Variants in AR observed in about 807,000 individuals in gnomAD.
AR encodes dihydrotestosterone receptor.
In AR, 8 loss-of-function variants were observed where a neutral mutation model predicts 53.9. That is an observed-to-expected ratio of 0.15 (90% confidence interval 0.09 to 0.27). The LOEUF (loss-of-function observed/expected upper bound fraction) is 0.27. AR is among the 10% of genes least tolerant of loss of function. AR has a pLI of 1.00. For synonymous variants in AR, 359 were observed against 316.4 expected (o/e 1.13, Z -1.43); for missense variants, 639 against 742.5 (o/e 0.86, Z 1.62).
At chrX:67,621,075 C>T (rs1231228233) in intron 1 of AR, among the ~76,000 whole-genome samples, 2 of 111,466 alleles carry the variant, frequency 1.8e-5, no homozygotes, top group South Asian at 3.7e-4. Context: ...AATTCTATGC[C>T]GTGGAAGAAG....
At chrX:67,630,088 G>A (rs768833406) in intron 1 of AR, among the ~76,000 whole-genome samples, 4 of 111,127 alleles carry the variant, frequency 3.6e-5, no homozygotes, top group Non-Finnish European at 7.6e-5. Context: ...TAGGTGTGGT[G>A]TGGTGCTGAA....
intron 2 of AR, among the ~76,000 whole-genome samples, chrX:67,646,659 G>A (rs1418519293): frequency 9.0e-6 from 1 of 110,793 alleles, no homozygotes. Flanking sequence ...GGCTCAGAGA[G>A]GTTTTAGTTG....
At chrX:67,565,325 C>G (rs986242340) in intron 1 of AR, among the ~76,000 whole-genome samples, 2 of 112,049 alleles carry the variant, frequency 1.8e-5, no homozygotes, top group African/African-American at 6.5e-5. Context: ...CTAAAAGTTG[C>G]TTGAGCTGGC....
At chrX:67,692,264 C>G (rs1053995834) in intron 3 of AR, among the ~76,000 whole-genome samples, 2 of 112,297 alleles carry the variant, frequency 1.8e-5, no homozygotes, top group Non-Finnish European at 3.8e-5. Flanking sequence ...CTTTGATTCT[C>G]TAGACTAGAA....
At position 67,711,394 on chromosome X, in the gene AR, C is replaced by G. The variant is rs755634374; in HGVS notation, c.1886-8C>G. 8.4e-7 allele frequency: 1 copy of G among 1,183,768 alleles called. No homozygotes were observed. Among genetic ancestry groups the G allele is most frequent in the Non-Finnish European group, 1.1e-6 (1 of 880,519 alleles). ...TGATAAATTCAAGTCTCTCTTCCTT[C>G]CCAATAGCCCGGAAGCTGAAGAAAC... On this transcript the variant is annotated splice_region_variant and splice_polypyrimidine_tract_variant and intron_variant, in intron 3 of 7. Transcript: ENST00000374690.
intron 1 of AR, chrX:67,568,953 C>T (rs1343106950): frequency 2.2e-5 from 26 of 1,207,916 alleles, no homozygotes; most frequent in Non-Finnish European, 2.7e-5. Context: ...GTACAGGGAA[C>T]CAGGGAAACG....
intron 1 of AR, among the ~76,000 whole-genome samples, chrX:67,588,248 T>C (rs1295080620): frequency 8.9e-6 from 1 of 112,073 alleles, no homozygotes; most frequent in African/African-American, 3.2e-5. Context: ...TAGACCAGGC[T>C]CAGACTTGTC....
chrX:67,615,968 A>G (rs892312132), intron 1 of AR, among the ~76,000 whole-genome samples: 1 of 111,599 alleles, frequency 9.0e-6, no homozygotes, highest in Non-Finnish European at 1.9e-5. Flanking sequence ...AGTAATAAAC[A>G]TAGACAAATT....
At chrX:67,622,748 G>A (rs1924439599) in intron 1 of AR, among the ~76,000 whole-genome samples, 1 of 111,633 alleles carries the variant, frequency 9.0e-6, no homozygotes, top group Non-Finnish European at 1.9e-5. Context: ...GTCAGTCATA[G>A]GGCTGAGAAC....
chrX:67,599,530 G>A (rs778992099), intron 1 of AR, among the ~76,000 whole-genome samples: 1 of 111,799 alleles, frequency 8.9e-6, no homozygotes, highest in African/African-American at 3.3e-5. Flanking sequence ...TGAGGAGGGA[G>A]AGAGGAGTTT....
intron 4 of AR, among the ~76,000 whole-genome samples, chrX:67,714,956 C>G (rs923906820): frequency 1.8e-5 from 2 of 111,588 alleles, no homozygotes; most frequent in Non-Finnish European, 3.8e-5. Context: ...TCATTAAGGA[C>G]GGTTAATTAA....
intron 1 of AR, among the ~76,000 whole-genome samples, chrX:67,561,471 A>G (rs1265520669): frequency 8.9e-6 from 1 of 112,616 alleles, no homozygotes; most frequent in Non-Finnish European, 1.9e-5. Flanking sequence ...AACTATTTAC[A>G]TAACATTGTA....
chrX:67,631,152 C>T (rs1219376807), intron 1 of AR, among the ~76,000 whole-genome samples: 3 of 110,858 alleles, frequency 2.7e-5, no homozygotes, highest in Non-Finnish European at 5.7e-5. Context: ...ATCTTTGTGG[C>T]ATTCTCTGTA....
chrX:67,587,104 T>C (rs1922584710), intron 1 of AR, among the ~76,000 whole-genome samples: 1 of 112,217 alleles, frequency 8.9e-6, no homozygotes, highest in Non-Finnish European at 1.9e-5. Flanking sequence ...GTAGGAGAAC[T>C]TACTTGTTTA....
chrX:67,544,903 A>G lies in AR; in HGVS notation c.-244A>G. 2.8e-6 allele frequency: 1 copy of G among 360,019 alleles called. No individual in the cohort carries two copies. Among genetic ancestry groups the G allele is most frequent in the Non-Finnish European group, 4.7e-6 (1 of 211,923 alleles). 29.7% of individuals were successfully genotyped at this position (360,019 alleles called of 1,213,427 possible). A position where few individuals can be genotyped will look rare whatever the true frequency, so the allele number is the denominator to read the frequency against. ...TTGAATCTACCCTTCAAGTATTAAG[A>G]GACAGACTGTGAGCCTAGCAGGGCA... On this transcript the variant is annotated 5_prime_UTR_variant, in exon 1 of 8. Transcript: ENST00000374690.
At chrX:67,668,991 C>T (rs1927406083) in intron 2 of AR, among the ~76,000 whole-genome samples, 1 of 111,150 alleles carries the variant, frequency 9.0e-6, no homozygotes, top group Admixed American at 9.6e-5. Context: ...TGTTCATCCA[C>T]AAAACCAACT....
intron 2 of AR, among the ~76,000 whole-genome samples, chrX:67,665,892 A>T (rs2147470018): frequency 9.0e-6 from 1 of 111,398 alleles, no homozygotes; most frequent in South Asian, 3.8e-4. Context: ...CTAGTTTCAG[A>T]CATTTTTTTC....
At chrX:67,672,372 C>T (rs1230404797) in intron 2 of AR, among the ~76,000 whole-genome samples, 1 of 111,149 alleles carries the variant, frequency 9.0e-6, no homozygotes, top group Non-Finnish European at 1.9e-5. Context: ...AGGGCTTACT[C>T]CTGCCATTTG....
At chrX:67,720,825 T>C (rs774590847) in intron 5 of AR, among the ~76,000 whole-genome samples, 28 of 110,049 alleles carry the variant, frequency 2.5e-4, no homozygotes, top group Non-Finnish European at 4.2e-4. Flanking sequence ...ACCACTTAAG[T>C]GGGTGTCAAA....
Sources: gnomAD v4.1 joint callset for allele counts (sites outside exome capture counted in the v4.1 genomes callset) on GRCh38, gnomAD v4.1.1 for gene constraint, MANE v1.5 for transcripts, NCBI Gene and HGNC (gene_info 2026-07-23, HGNC 2026-07-21) for gene names.